The following ATF6 variants were observed in gnomAD, a reference collection of about 807,000 sequenced individuals.
ATF6 encodes the protein activating transcription factor 6.
A neutral mutation model predicts 83.6 loss-of-function variants in ATF6; 53 were observed. The observed-to-expected ratio is 0.63, with a 90% CI of 0.51 to 0.80. ATF6 has a LOEUF of 0.80. Among genes scored for constraint, ATF6 ranks in the 30% least tolerant of loss-of-function variants. The pLI, the probability that ATF6 is intolerant of heterozygous loss-of-function variation, is 0.00. For synonymous variants in ATF6, 288 were observed against 285.8 expected (o/e 1.01, Z -0.08); for missense variants, 744 against 797.9 (o/e 0.93, Z 0.81).
chr1:161,802,382 G>A (rs1281547145), intron 7 of ATF6, 110 bp downstream of exon 7: 12 of 918,014 alleles, frequency 1.3e-5, no homozygotes, highest in Non-Finnish European at 1.8e-5. Context: ...TTCTTATATT[G>A]CATCAAATAA....
At chr1:161,813,489 C>G (rs1319244221) in intron 7 of ATF6, among the ~76,000 whole-genome samples, 1 of 152,178 alleles carries the variant, frequency 6.6e-6, no homozygotes. Context: ...ACACAGTCCA[C>G]AGTAAGAAAT....
At chr1:161,802,411 A>G in intron 7 of ATF6, 139 bp downstream of exon 7, 3 of 732,840 alleles carry the variant, frequency 4.1e-6, no homozygotes, top group Non-Finnish European at 4.4e-6. Flanking sequence ...GCTGAATTGC[A>G]CATCTAGTCT....
At chr1:161,948,913 A>G (rs896869908) in intron 15 of ATF6, among the ~76,000 whole-genome samples, 5 of 152,260 alleles carry the variant, frequency 3.3e-5, no homozygotes, top group African/African-American at 1.2e-4. Context: ...AAAGCAGCCA[A>G]GTTCAGCGTG....
At chr1:161,797,597 G>C (rs1259261306) in intron 6 of ATF6, among the ~76,000 whole-genome samples, 1 of 152,104 alleles carries the variant, frequency 6.6e-6, no homozygotes, top group African/African-American at 2.4e-5. Context: ...TAAAGTACCT[G>C]GGAATACAGC....
chr1:161,788,796 T>A (rs916962073), intron 4 of ATF6, among the ~76,000 whole-genome samples: 1 of 152,164 alleles, frequency 6.6e-6, no homozygotes, highest in Non-Finnish European at 1.5e-5. Flanking sequence ...TTTTCCTAAC[T>A]GTATTGTCTT....
chr1:161,871,219 G>A (rs973715776), intron 14 of ATF6, among the ~76,000 whole-genome samples: 8 of 151,686 alleles, frequency 5.3e-5, no homozygotes, highest in African/African-American at 1.4e-4. Flanking sequence ...AAATTACTTC[G>A]GTGACTTGGA....
chr1:161,834,835 G>A (rs1328308949), intron 9 of ATF6, among the ~76,000 whole-genome samples: 4 of 152,076 alleles, frequency 2.6e-5, no homozygotes, highest in Non-Finnish European at 5.9e-5. Flanking sequence ...TGAATGGGAC[G>A]ATGGATCTGA....
chr1:161,848,653 G>A (rs1253282466), intron 10 of ATF6, among the ~76,000 whole-genome samples: 1 of 152,126 alleles, frequency 6.6e-6, no homozygotes, highest in Non-Finnish European at 1.5e-5. Flanking sequence ...TTGGATAAAT[G>A]AGAAAGGATG....
intron 14 of ATF6, among the ~76,000 whole-genome samples, chr1:161,888,648 C>T (rs1250042778): frequency 2.0e-5 from 3 of 152,188 alleles, no homozygotes; most frequent in Non-Finnish European, 2.9e-5. Context: ...ATAAAGCTCT[C>T]TTGATATGTC....
chr1:161,925,777 A>G (rs986974956), intron 15 of ATF6, among the ~76,000 whole-genome samples: 2 of 152,338 alleles, frequency 1.3e-5, no homozygotes, highest in African/African-American at 4.8e-5. Flanking sequence ...GGCACTGTCC[A>G]TTGTATCTAA....
intron 14 of ATF6, among the ~76,000 whole-genome samples, chr1:161,889,026 G>T (rs570880595): frequency 3.4e-4 from 52 of 152,020 alleles, no homozygotes; most frequent in African/African-American, 1.0e-3. Context: ...TCTCTTTACC[G>T]CATCCTTTAT....
chr1:161,927,270 A>T (rs992446015), intron 15 of ATF6, among the ~76,000 whole-genome samples: 1 of 152,220 alleles, frequency 6.6e-6, no homozygotes, highest in Non-Finnish European at 1.5e-5. Context: ...TCTGTAGGCA[A>T]GCATTTTATT....
At chr1:161,887,919 A>C (rs1243793697) in intron 14 of ATF6, among the ~76,000 whole-genome samples, 1 of 152,206 alleles carries the variant, frequency 6.6e-6, no homozygotes, top group African/African-American at 2.4e-5. Flanking sequence ...ACATTCTACC[A>C]CCTGTTAGCA....
chr1:161,958,253 G>A (rs372408777), intron 15 of ATF6, among the ~76,000 whole-genome samples, 193 bp from the exon 16 acceptor site: 2 of 152,290 alleles, frequency 1.3e-5, no homozygotes, highest in East Asian at 1.9e-4. Context: ...CTAGAATTGG[G>A]AGAGAACAGG....
Position 161,772,833 on chromosome 1 carries a change from G to T in ATF6, c.83-5411G>T, listed in dbSNP as rs376112666. On this transcript the variant is annotated intron_variant, in intron 1 of 15. Coordinates refer to ENST00000367942, the MANE Select transcript of ATF6 (RefSeq NM_007348.4). ...TGTTACTTCACCTCTTGCTGTTACTGCATTTCTCTACTGTATGTTACAGCA... is the reference window on the plus strand; with the variant it reads ...TGTTACTTCACCTCTTGCTGTTACTTCATTTCTCTACTGTATGTTACAGCA... Among the ~76,000 whole-genome samples, 97 of 150,826 alleles carry T rather than the reference G, an allele frequency of 6.4e-4. No individual in the cohort carries two copies. The South Asian group carries it at 7.7e-3, about 12-fold the overall frequency.
rs184309971 is a variant in ATF6 at position 161,900,254 on chromosome 1, C to T, written c.1720-12042C>T. On this transcript the variant is annotated intron_variant, in intron 14 of 15. Transcript: ENST00000367942. ...TATAGCCAGAAATATGCTGTAGGAA[C>T]GTAACTCTCATTTATATCAATTAGG... Among the ~76,000 whole-genome samples the T allele has an allele frequency of 3.8e-3, 582 of 152,230 alleles. 6 individuals carry two copies. Among genetic ancestry groups the T allele is most frequent in the African/African-American group, 0.013 (533 of 41,538 alleles).
intron 13 of ATF6, among the ~76,000 whole-genome samples, chr1:161,862,556 A>G (rs1686907144): frequency 6.6e-6 from 1 of 152,186 alleles, no homozygotes; most frequent in Non-Finnish European, 1.5e-5. Context: ...AATGACTAGC[A>G]GTTGTTGAGT....
chr1:161,768,951 C>T (rs769894795), intron 1 of ATF6, among the ~76,000 whole-genome samples: 1 of 152,184 alleles, frequency 6.6e-6, no homozygotes, highest in Non-Finnish European at 1.5e-5. Flanking sequence ...ATTTTAACAA[C>T]TCTAAATAAT....
chr1:161,915,711 A>G (rs1224659380), intron 15 of ATF6, among the ~76,000 whole-genome samples: 2 of 148,874 alleles, frequency 1.3e-5, no homozygotes, highest in African/African-American at 5.0e-5. Context: ...TCCAGCCTCC[A>G]CCTCCTGGGC....
Sources: allele counts gnomAD v4.1 joint callset (sites outside exome capture counted in the v4.1 genomes callset), GRCh38; gene constraint gnomAD v4.1.1; transcripts MANE v1.5; gene names NCBI Gene and HGNC (gene_info 2026-07-23, HGNC 2026-07-21).